CADM2: variants seen among roughly 807,000 people sequenced by gnomAD.
CADM2 encodes the protein immunoglobulin superfamily member 4D.
CADM2 carries 12 observed loss-of-function variants against 49.8 expected under a neutral mutation model. The ratio of observed to expected loss-of-function variants is 0.24; its 90% CI spans 0.15 to 0.39. The LOEUF (loss-of-function observed/expected upper bound fraction) is 0.39. Ranked by LOEUF, CADM2 falls within the 10% of genes least tolerant of loss-of-function variation. The pLI, the probability that CADM2 is intolerant of heterozygous loss-of-function variation, is 1.00. For synonymous variants in CADM2, 214 were observed against 175.4 expected (o/e 1.22, Z -1.74); for missense variants, 378 against 492.3 (o/e 0.77, Z 2.20).
chr3:85,562,298 G>A (rs1249321017), intron 1 of CADM2, among the ~76,000 whole-genome samples: 1 of 151,948 alleles, frequency 6.6e-6, no homozygotes, highest in African/African-American at 2.4e-5. Context: ...TGACAACATT[G>A]AGAGACCTGA....
At chr3:85,923,223 A>G (rs933524067) in intron 6 of CADM2, among the ~76,000 whole-genome samples, 5 of 152,230 alleles carry the variant, frequency 3.3e-5, no homozygotes, top group Admixed American at 6.5e-5. Flanking sequence ...CAAAAATCAT[A>G]AAAGGTAAAA....
intron 1 of CADM2, among the ~76,000 whole-genome samples, chr3:85,289,628 A>C (rs1273028532): frequency 1.3e-5 from 2 of 152,194 alleles, no homozygotes; most frequent in African/African-American, 4.8e-5. Flanking sequence ...TACAGACTTC[A>C]GGTGAAAAAC....
rs554885955 is a variant in CADM2 at position 85,551,871 on chromosome 3, T to C, written c.62-174651T>C. On this transcript the variant is annotated intron_variant, in intron 1 of 9. Coordinates refer to ENST00000383699, the MANE Select transcript of CADM2 (RefSeq NM_001167675.2). ...TTTAGATAGTTTTATCCTATGATAA[T>C]TCAATTTTGTCCTGTTTCAAATTGT... Among the ~76,000 whole-genome samples the C allele has an allele frequency of 2.8e-4, 42 of 152,320 alleles. No individual in the cohort carries two copies. The South Asian group carries it at 8.5e-3, about 31-fold the overall frequency.
intron 1 of CADM2, among the ~76,000 whole-genome samples, chr3:85,394,272 A>G (rs1180876582): frequency 6.6e-6 from 1 of 152,178 alleles, no homozygotes. Context: ...TGAGTTTTCC[A>G]TTGACATTAA....
At chr3:86,010,698 C>A (rs1731392314) in intron 8 of CADM2, among the ~76,000 whole-genome samples, 1 of 150,508 alleles carries the variant, frequency 6.6e-6, no homozygotes, top group Non-Finnish European at 1.5e-5. Flanking sequence ...ATAAATAGAA[C>A]ATAATAAAGA....
intron 5 of CADM2, among the ~76,000 whole-genome samples, chr3:85,897,241 C>CTTTTTTTTTTTTTTTTTTTTTTTTTTTTT (rs752550127): frequency 2.2e-5 from 1 of 45,900 alleles, no homozygotes; most frequent in Admixed American, 3.3e-4. Context: ...TAACCTACAT[C>CTTTTTTTTTTTTTTTTTTTTTTTTTTTTT]TTTTTTTTTT....
intron 3 of CADM2, among the ~76,000 whole-genome samples, chr3:85,844,260 A>C (rs1367715078): frequency 2.6e-5 from 4 of 152,144 alleles, no homozygotes; most frequent in African/African-American, 9.7e-5. Flanking sequence ...CATGAAGAAC[A>C]GGTTGGGCTC....
At chr3:84,981,220 A>G (rs1376892611) in intron 1 of CADM2, among the ~76,000 whole-genome samples, 1 of 146,936 alleles carries the variant, frequency 6.8e-6, no homozygotes, top group East Asian at 2.0e-4. Context: ...GAGTGAGAAT[A>G]TGTGGTGTTT....
At chr3:85,387,051 G>C (rs1453269215) in intron 1 of CADM2, among the ~76,000 whole-genome samples, 1 of 152,112 alleles carries the variant, frequency 6.6e-6, no homozygotes, top group African/African-American at 2.4e-5. Context: ...CAATCTCTCT[G>C]AGTAAGGAAT....
Position 84,959,649 on chromosome 3 carries a change from C to G in CADM2, c.42C>G (p.Val14=). The G allele has an allele frequency of 6.5e-7, 1 of 1,537,204 alleles. No individual in the cohort carries two copies. The highest frequency in any genetic ancestry group is 8.7e-7 in the Non-Finnish European group (1 of 1,146,900). ...KRSAVLRFYS[V]CGLLLQAAAS... ...GCGCCGTTCTCCGCTTCTACAGTGT[C>G]TGCGGGCTCCTGCTACAAGGTAATC... Residue 14 remains valine (V), a synonymous_variant, in exon 1 of 10, where the codon GTC becomes GTG. Coordinates refer to ENST00000383699, the MANE Select transcript of CADM2 (RefSeq NM_001167675.2).
At chr3:86,053,016 C>G (rs981908844) in intron 8 of CADM2, among the ~76,000 whole-genome samples, 26 of 151,970 alleles carry the variant, frequency 1.7e-4, no homozygotes, top group African/African-American at 6.3e-4. Flanking sequence ...AAATAAATAG[C>G]TCATATAAAT....
At chr3:85,411,836 T>A (rs1359113605) in intron 1 of CADM2, among the ~76,000 whole-genome samples, 1 of 152,134 alleles carries the variant, frequency 6.6e-6, no homozygotes, top group Non-Finnish European at 1.5e-5. Context: ...TGTCATATCA[T>A]AATTTTGTTT....
chr3:85,965,278 TAATC>T (rs1367877129), intron 8 of CADM2, among the ~76,000 whole-genome samples: 1 of 147,660 alleles, frequency 6.8e-6, no homozygotes, highest in East Asian at 2.0e-4. Context: ...TAAATATAAA[TAATC>T]ATAATAAATA....
intron 3 of CADM2, among the ~76,000 whole-genome samples, chr3:85,849,556 A>C (rs756520186): frequency 7.2e-5 from 11 of 152,208 alleles, no homozygotes; most frequent in Non-Finnish European, 1.6e-4. Flanking sequence ...ATGTAACACA[A>C]TTACATTTTT....
At chr3:85,613,874 C>T (rs1200397781) in intron 1 of CADM2, among the ~76,000 whole-genome samples, 1 of 151,538 alleles carries the variant, frequency 6.6e-6, no homozygotes, top group African/African-American at 2.4e-5. Flanking sequence ...GCAATGAGCC[C>T]TTAGACAAGT....
At chr3:85,276,230 T>A (rs2043354579) in intron 1 of CADM2, among the ~76,000 whole-genome samples, 1 of 151,382 alleles carries the variant, frequency 6.6e-6, no homozygotes, top group Non-Finnish European at 1.5e-5. Flanking sequence ...TCGATTAACC[T>A]TGAATTCTTC....
intron 3 of CADM2, among the ~76,000 whole-genome samples, chr3:85,808,178 T>A (rs1243522119): frequency 6.6e-6 from 1 of 152,204 alleles, no homozygotes; most frequent in Non-Finnish European, 1.5e-5. Context: ...TTTTCTATAA[T>A]ACTTAAGAAT....
In CADM2 at chr3:85,831,002, T is replaced by G. The variant is rs1379171660; in HGVS notation, c.238+28806T>G. On this transcript the variant is annotated intron_variant, in intron 3 of 9. Transcript: ENST00000383699. ...CCTCGCTCCCTGCAACCCTCCCACT[T>G]CTAGTGGTCCCCGTTGTCTCGTGTT... Among the ~76,000 whole-genome samples, 4 of 151,768 alleles carry G rather than the reference T, an allele frequency of 2.6e-5. No individual in the cohort carries two copies. In the East Asian group the frequency reaches 7.8e-4, roughly 30 times the overall value.
At chr3:85,192,104 A>G (rs1251491142) in intron 1 of CADM2, among the ~76,000 whole-genome samples, 5 of 148,194 alleles carry the variant, frequency 3.4e-5, no homozygotes. Context: ...ATTCATAGTA[A>G]AAAAAAAAGA....
Sources: allele counts gnomAD v4.1 joint callset (sites outside exome capture counted in the v4.1 genomes callset), GRCh38; gene constraint gnomAD v4.1.1; transcripts MANE v1.5; gene names NCBI Gene and HGNC (gene_info 2026-07-23, HGNC 2026-07-21).